The following DBF4 variants were observed in gnomAD, a reference collection of about 807,000 sequenced individuals.
DBF4 encodes protein DBF4 homolog A.
DBF4 carries 25 observed loss-of-function variants against 76.6 expected under a neutral mutation model. The observed-to-expected ratio is 0.33, with a 90% confidence interval of 0.24 to 0.46. DBF4 has a LOEUF of 0.46. DBF4 is among the 20% of genes least tolerant of loss of function. DBF4 has a pLI of 1.00. For missense variants in DBF4, 638 were observed against 760.8 expected, an observed-to-expected ratio of 0.84 and a Z score of 1.90; for synonymous variants, 213 against 258.0, an observed-to-expected ratio of 0.83 and a Z score of 1.67.
intron 7 of DBF4, 54 bp from the exon 8 acceptor site, chr7:87,897,240 A>AG: frequency 6.5e-7 from 1 of 1,548,332 alleles, no homozygotes; most frequent in Non-Finnish European, 8.7e-7. Flanking sequence ...TTTATTAAAA[A>AG]AAAAAAAGAA....
chr7:87,891,063 A>C (rs1458257427), intron 6 of DBF4, among the ~76,000 whole-genome samples: 2 of 152,056 alleles, frequency 1.3e-5, no homozygotes, highest in Non-Finnish European at 2.9e-5. Flanking sequence ...AATGTTTATT[A>C]GGTTCCCATA....
chr7:87,902,648 A>G (rs934107027), intron 10 of DBF4, among the ~76,000 whole-genome samples: 1 of 152,256 alleles, frequency 6.6e-6, no homozygotes, highest in Non-Finnish European at 1.5e-5. Flanking sequence ...AATGGAAATT[A>G]GAGGGGAACT....
Position 87,907,570 on chromosome 7 carries a change from A to G in DBF4, c.1432A>G (p.Arg478Gly), listed in dbSNP as rs1337827367. 1.2e-6 allele frequency: 2 copies of G among 1,614,142 alleles called. No individual in the cohort carries two copies. Among genetic ancestry groups the G allele is most frequent in the Admixed American group, 1.7e-5 (1 of 60,028 alleles). Residue 478 changes from arginine (R) to glycine (G), a missense_variant, in exon 12 of 12, where the codon AGG becomes GGG. By Grantham distance (125) the Arg-to-Gly change is moderately radical. Transcript: ENST00000265728. ...TLSENDLEELRVDHYKCNIQA... is the reference protein window; with the variant it reads ...TLSENDLEELGVDHYKCNIQA... The stretch of plus-strand genomic sequence containing the variant: ...AAGTGAAAATGACTTAGAAGAACTA[A>G]GGGTAGATCACTATAAATGTAACAT...
Position 87,876,664 on chromosome 7 carries a change from G to A in DBF4, c.-69G>A. The A allele has an allele frequency of 6.3e-7, 1 of 1,574,830 alleles. No individual in the cohort carries two copies. The highest frequency in any genetic ancestry group is 8.7e-7 in the Non-Finnish European group (1 of 1,151,538). On this transcript the variant is annotated 5_prime_UTR_variant, in exon 1 of 12. Coordinates refer to ENST00000265728, the MANE Select transcript of DBF4 (RefSeq NM_006716.4). ...CCGTCCTGTCAACAGGCCGGGGGAA[G>A]CCGTGCTTTCGCGGCTGCCCGGTGC...
rs146642770 is a variant in DBF4 at position 87,892,031 on chromosome 7, C to G, written c.597+3972C>G. ...AAGGTACAGAGATGTTTTACATACT[C>G]CTTGTCCTAACATCCCACACCAGAG... On this transcript the variant is annotated intron_variant, in intron 6 of 11. Coordinates refer to ENST00000265728, the MANE Select transcript of DBF4 (RefSeq NM_006716.4). Among the ~76,000 whole-genome samples the G allele has an allele frequency of 2.4e-3, 365 of 152,304 alleles. 1 individual carries two copies. Among genetic ancestry groups the G allele is most frequent in the African/African-American group, 8.2e-3 (340 of 41,568 alleles).
intron 8 of DBF4, among the ~76,000 whole-genome samples, chr7:87,897,872 G>A (rs765583530): frequency 2.6e-5 from 4 of 152,022 alleles, no homozygotes; most frequent in Non-Finnish European, 5.9e-5. Flanking sequence ...CCCCACCCCC[G>A]GTTCAAGCAA....
chr7:87,882,978 C>G (rs1562757307), intron 2 of DBF4, among the ~76,000 whole-genome samples: 1 of 152,068 alleles, frequency 6.6e-6, no homozygotes, highest in African/African-American at 2.4e-5. Flanking sequence ...TAATTGAAAG[C>G]AGGGTCTCAA....
At chr7:87,900,176 T>G (rs763328384) in intron 8 of DBF4, 45 bp from the exon 9 acceptor site, 54 of 1,481,568 alleles carry the variant, frequency 3.6e-5, no homozygotes, top group Non-Finnish European at 4.4e-5. Context: ...ACCTTTTTTC[T>G]TTAATCATAA....
At chr7:87,903,175 C>T (rs1584372795) in intron 10 of DBF4, among the ~76,000 whole-genome samples, 1 of 152,140 alleles carries the variant, frequency 6.6e-6, no homozygotes, top group Non-Finnish European at 1.5e-5. Context: ...CTCCATCTCC[C>T]GAGTTCCAGA....
At chr7:87,883,531 G>C (rs1839269457) in intron 2 of DBF4, among the ~76,000 whole-genome samples, 1 of 152,126 alleles carries the variant, frequency 6.6e-6, no homozygotes, top group Non-Finnish European at 1.5e-5. Flanking sequence ...GGCAGTATTT[G>C]ATGTGTGAAT....
chr7:87,887,937 C>T, intron 5 of DBF4, 46 bp from the exon 6 acceptor site: 1 of 1,457,994 alleles, frequency 6.9e-7, no homozygotes, highest in Non-Finnish European at 9.3e-7. Flanking sequence ...TGTTTAACTC[C>T]AAGAGTAAAA....
Position 87,908,144 on chromosome 7 carries a change from C to T in DBF4, c.2006C>T (p.Ser669Phe), listed in dbSNP as rs901302995. 6.3e-7 allele frequency: 1 copy of T among 1,583,244 alleles called. No homozygotes were observed. Among genetic ancestry groups the T allele is most frequent in the Non-Finnish European group, 8.6e-7 (1 of 1,166,656 alleles). Reference sequence around the variant, plus strand: ...GCGTTTTTCTCGTCCCCTTCAACTTCTACATTTACTGGCTTTTAGAATTTA... The same window carrying T: ...GCGTTTTTCTCGTCCCCTTCAACTTTTACATTTACTGGCTTTTAGAATTTA... ...LTAFFSSPST[S>F]TFTGF The change falls in exon 12 of 12, where the codon TCT becomes TTT. Residue 669 changes from serine (S) to phenylalanine (F), a missense_variant. Physicochemically the swap from Ser to Phe is radical, Grantham distance 155. Coordinates refer to ENST00000265728, the MANE Select transcript of DBF4 (RefSeq NM_006716.4).
chr7:87,887,898 T>C, intron 5 of DBF4, 85 bp from the exon 6 acceptor site: 1 of 1,266,340 alleles, frequency 7.9e-7, no homozygotes, highest in Non-Finnish European at 1.1e-6. Flanking sequence ...GTAAATTCTT[T>C]ATCTAATTTA....
intron 6 of DBF4, among the ~76,000 whole-genome samples, chr7:87,889,125 A>G (rs1839428127): frequency 6.6e-6 from 1 of 152,182 alleles, no homozygotes; most frequent in Non-Finnish European, 1.5e-5. Context: ...TATATAAAGG[A>G]GTTAGATTTT....
At chr7:87,895,501 A>G (rs865811738) in intron 6 of DBF4, among the ~76,000 whole-genome samples, 2 of 151,550 alleles carry the variant, frequency 1.3e-5, no homozygotes, top group Non-Finnish European at 1.5e-5. Flanking sequence ...CCATTGTTTT[A>G]GCGGACAGTC....
chr7:87,897,368 T>G, intron 8 of DBF4, 29 bp downstream of exon 8: 1 of 1,601,542 alleles, frequency 6.2e-7, no homozygotes, highest in African/African-American at 1.3e-5. Context: ...TCTGTATGAT[T>G]TAAGTGCAAT....
intron 8 of DBF4, 149 bp downstream of exon 8, chr7:87,897,488 A>G: frequency 3.2e-6 from 2 of 626,548 alleles, no homozygotes. Flanking sequence ...AGTTAACGAA[A>G]GTAGCATTAA....
At chr7:87,899,272 T>C (rs1839710000) in intron 8 of DBF4, among the ~76,000 whole-genome samples, 1 of 152,132 alleles carries the variant, frequency 6.6e-6, no homozygotes, top group Non-Finnish European at 1.5e-5. Context: ...TAAAGGGATA[T>C]AACAGTAAAA....
chr7:87,877,528 C>A (rs1255307618), intron 1 of DBF4, among the ~76,000 whole-genome samples: 1 of 152,148 alleles, frequency 6.6e-6, no homozygotes, highest in African/African-American at 2.4e-5. Context: ...CCGTTAAGTT[C>A]TTAATACGTA....
Sources: allele counts gnomAD v4.1 joint callset (sites outside exome capture counted in the v4.1 genomes callset), GRCh38; gene constraint gnomAD v4.1.1; transcripts MANE v1.5; gene names NCBI Gene and HGNC (gene_info 2026-07-23, HGNC 2026-07-21).